ROBO2: variants seen among roughly 807,000 people sequenced by gnomAD.
ROBO2 encodes roundabout guidance receptor 2, also known as roundabout homolog 2.
A neutral mutation model predicts 160.8 loss-of-function variants in ROBO2; 53 were observed. The ratio of observed to expected loss-of-function variants is 0.33; its 90% CI spans 0.26 to 0.41. The LOEUF (loss-of-function observed/expected upper bound fraction) is 0.41. Among genes scored for constraint, ROBO2 ranks in the 10% least tolerant of loss-of-function variants. ROBO2 has a pLI of 1.00. For synonymous variants in ROBO2, 664 were observed against 611.7 expected (o/e 1.09, Z -1.26); for missense variants, 1,577 against 1,722.4 (o/e 0.92, Z 1.49).
intron 2 of ROBO2, among the ~76,000 whole-genome samples, chr3:76,895,761 A>G (rs1367194173): frequency 6.6e-6 from 1 of 152,208 alleles, no homozygotes; most frequent in African/African-American, 2.4e-5. Context: ...TTGTAGGAAG[A>G]TAGTTTTCAT....
chr3:76,682,685 C>T (rs1379704460), intron 2 of ROBO2, among the ~76,000 whole-genome samples: 4 of 152,088 alleles, frequency 2.6e-5, no homozygotes, highest in East Asian at 1.9e-4. Context: ...GGATTGAAGG[C>T]GTGAGCCACG....
chr3:76,601,526 C>G (rs1165445129), intron 2 of ROBO2, among the ~76,000 whole-genome samples: 3 of 152,218 alleles, frequency 2.0e-5, no homozygotes, highest in Non-Finnish European at 2.9e-5. Flanking sequence ...ATGGAAACTT[C>G]CAAGGCTTGG....
intron 2 of ROBO2, among the ~76,000 whole-genome samples, chr3:76,585,912 A>C (rs1195538442): frequency 6.6e-6 from 1 of 152,178 alleles, no homozygotes; most frequent in Non-Finnish European, 1.5e-5. Flanking sequence ...AAAAAGCATA[A>C]TTATATTAAG....
intron 2 of ROBO2, among the ~76,000 whole-genome samples, chr3:76,255,604 A>G (rs1039079950): frequency 1.3e-5 from 2 of 152,126 alleles, no homozygotes; most frequent in Non-Finnish European, 2.9e-5. Flanking sequence ...TGCAAAAAAA[A>G]AATTTGAGTA....
Position 77,593,226 on chromosome 3 carries a change from A to C in ROBO2, c.2684-1916A>C, listed in dbSNP as rs76249450. On this transcript the variant is annotated intron_variant, in intron 17 of 25. Coordinates refer to ENST00000461745, the Ensembl canonical transcript of ROBO2. ...TTGATAGTCCATTAAAAAAAAAAAA[A>C]ACACAAACTAGAAAGTCACATCAGA... Among the ~76,000 whole-genome samples the C allele has an allele frequency of 1.7e-3, 265 of 152,028 alleles. 1 individual carries two copies. Among genetic ancestry groups the C allele is most frequent in the African/African-American group, 5.8e-3 (239 of 41,480 alleles).
chr3:77,293,431 G>A (rs1262549208), intron 2 of ROBO2, among the ~76,000 whole-genome samples: 2 of 149,244 alleles, frequency 1.3e-5, no homozygotes, highest in Admixed American at 1.3e-4. Context: ...GGTAAGCTGA[G>A]GCTAGATCAC....
At chr3:76,255,877 T>A (rs1001845012) in intron 2 of ROBO2, among the ~76,000 whole-genome samples, 3 of 152,060 alleles carry the variant, frequency 2.0e-5, no homozygotes, top group African/African-American at 7.2e-5. Flanking sequence ...GTAGTAGATC[T>A]TATAAAAGGA....
At chr3:77,379,978 G>A (rs975902935) in intron 2 of ROBO2, among the ~76,000 whole-genome samples, 4 of 152,054 alleles carry the variant, frequency 2.6e-5, no homozygotes, top group African/African-American at 7.2e-5. Flanking sequence ...TTATCCCCAG[G>A]GAGAAGCAAA....
At chr3:76,148,817 C>CT (rs916720767) in intron 2 of ROBO2, among the ~76,000 whole-genome samples, 2 of 151,992 alleles carry the variant, frequency 1.3e-5, no homozygotes, top group Admixed American at 1.3e-4. Context: ...TCCACTTTTC[C>CT]TTTTTTGGTT....
At chr3:77,565,694 A>C (rs1386229982) in intron 12 of ROBO2, among the ~76,000 whole-genome samples, 1 of 152,124 alleles carries the variant, frequency 6.6e-6, no homozygotes, top group Non-Finnish European at 1.5e-5. Context: ...CCACTGCTAC[A>C]GTGAATTTCG....
chr3:76,693,584 C>T (rs1242502973), intron 2 of ROBO2, among the ~76,000 whole-genome samples: 1 of 151,986 alleles, frequency 6.6e-6, no homozygotes, highest in East Asian at 1.9e-4. Flanking sequence ...GATAGGCTAT[C>T]TGCAAACTGG....
chr3:76,520,141 G>T (rs1453252933), intron 2 of ROBO2, among the ~76,000 whole-genome samples: 1 of 151,984 alleles, frequency 6.6e-6, no homozygotes, highest in Non-Finnish European at 1.5e-5. Flanking sequence ...CTGCATCATT[G>T]GTCCTCATCG....
chr3:76,363,400 A>G (rs536705587), intron 2 of ROBO2, among the ~76,000 whole-genome samples: 1 of 152,236 alleles, frequency 6.6e-6, no homozygotes, highest in South Asian at 2.1e-4. Context: ...TCAAACATTA[A>G]GATGTTTAAC....
chr3:76,009,437 A>G (rs2066131584), intron 2 of ROBO2, among the ~76,000 whole-genome samples: 2 of 152,216 alleles, frequency 1.3e-5, no homozygotes, highest in African/African-American at 4.8e-5. Context: ...GCTTCAGAGA[A>G]GAAGGATTGG....
rs143264933 is a variant in ROBO2 at position 76,421,578 on chromosome 3, T to C, written c.109+483976T>C. ...CCCGTCTCCACTAAAAATACAAAATTAGCCGGACATGGTGGTGCATGCCTG... is the reference window on the plus strand; with the variant it reads ...CCCGTCTCCACTAAAAATACAAAATCAGCCGGACATGGTGGTGCATGCCTG... On this transcript the variant is annotated intron_variant, in intron 2 of 26. Transcript: ENST00000487694. 6.8e-3 allele frequency among the ~76,000 whole-genome samples: 1,025 copies of C among 150,728 alleles called. 4 individuals are homozygous for C. The highest frequency in any genetic ancestry group is 0.011 in the Non-Finnish European group (733 of 67,934).
intron 2 of ROBO2, among the ~76,000 whole-genome samples, chr3:77,412,546 T>C (rs188724122): frequency 4.6e-5 from 7 of 152,336 alleles, no homozygotes; most frequent in Admixed American, 4.6e-4. Flanking sequence ...ATCTGCTACT[T>C]TTCTGATTTC....
At chr3:76,951,358 A>C (rs2078943272) in intron 2 of ROBO2, among the ~76,000 whole-genome samples, 1 of 152,164 alleles carries the variant, frequency 6.6e-6, no homozygotes, top group African/African-American at 2.4e-5. Context: ...TGTTTCTTTT[A>C]AAAAGTTGTG....
chr3:77,325,695 T>C (rs2065303798), intron 2 of ROBO2, among the ~76,000 whole-genome samples: 1 of 152,326 alleles, frequency 6.6e-6, no homozygotes, highest in South Asian at 2.1e-4. Flanking sequence ...CCTGGTTTAT[T>C]GTTAAGTAAT....
chr3:76,165,360 G>A (rs889962255), intron 2 of ROBO2, among the ~76,000 whole-genome samples: 14 of 137,434 alleles, frequency 1.0e-4, no homozygotes, highest in African/African-American at 3.6e-4. Context: ...TTTTTTTTCT[G>A]TAGCTTCCTC....
Sources: gnomAD v4.1 joint callset for allele counts (sites outside exome capture counted in the v4.1 genomes callset) on GRCh38, gnomAD v4.1.1 for gene constraint, MANE v1.5 for transcripts, NCBI Gene and HGNC (gene_info 2026-07-23, HGNC 2026-07-21) for gene names.